Variants in ZNF155 observed in about 807,000 individuals in gnomAD.
ZNF155 encodes zinc finger protein 155.
ZNF155 carries 15 observed loss-of-function variants against 11.9 expected under a neutral mutation model. The observed-to-expected ratio is 1.26, with a 90% confidence interval of 0.84 to 1.94. ZNF155 has a LOEUF of 1.94. Ranked by LOEUF, ZNF155 falls within the 30% of genes most tolerant of loss-of-function variation. The pLI is 0.00. For missense variants in ZNF155, 602 were observed against 639.1 expected (o/e 0.94, Z 0.63); for synonymous variants, 212 against 219.9 (o/e 0.96, Z 0.32).
rs1192526712 is a variant in ZNF155, at chr19:43,997,870, A to G, written c.*396A>G. The G allele has an allele frequency of 6.1e-6, 1 of 163,228 alleles. No homozygotes were observed. Among genetic ancestry groups the G allele is most frequent in the Non-Finnish European group, 1.3e-5 (1 of 75,294 alleles). 10.1% of individuals were successfully genotyped at this position (163,228 alleles called of 1,614,324 possible). On this transcript the variant is annotated 3_prime_UTR_variant, in exon 5 of 5. Transcript: ENST00000270014. ...TAAGGGAACAAGACCAGACACAGAA[A>G]TGCCTTTGTCCTTTGTATAATCAGC...
chr19:43,996,935 T>TGC lies in ZNF155; in HGVS notation c.1078_1079insGC (p.Tyr360CysfsTer30). 1 of 1,609,876 alleles carries TGC rather than the reference T, an allele frequency of 6.2e-7. No homozygotes were observed. Among genetic ancestry groups the TGC allele is most frequent in the Non-Finnish European group, 8.5e-7 (1 of 1,177,438 alleles). On this transcript the variant is annotated frameshift_variant, in exon 5 of 5. Transcript: ENST00000270014. LOFTEE classifies it low-confidence loss of function (END_TRUNC). ...AGGCTTTATTGGTAGGCTAGATTTTTATAAGCATCAGGTGGTCCACACAGG... is the reference window on the plus strand; with the variant it reads ...AGGCTTTATTGGTAGGCTAGATTTTTGCATAAGCATCAGGTGGTCCACACAGG...
rs542430854 is a variant in ZNF155 at position 43,987,524 on chromosome 19, T to A, written c.-85-935T>A. ...GTTGGTGCGGATACTGCCAAAGTGATAAGGTTTCCTTCCTATTGTAACATA... is the reference window on the plus strand; with the variant it reads ...GTTGGTGCGGATACTGCCAAAGTGAAAAGGTTTCCTTCCTATTGTAACATA... On this transcript the variant is annotated intron_variant, in intron 1 of 4. Coordinates refer to ENST00000270014, the MANE Select transcript of ZNF155 (RefSeq NM_198089.3). Among the ~76,000 whole-genome samples, 39 of 152,362 alleles carry A rather than the reference T, an allele frequency of 2.6e-4. 1 individual carries two copies. The highest frequency in any genetic ancestry group is 6.5e-5 in the Admixed American group (1 of 15,308).
At chr19:43,991,343 A>G (rs1975656475) in intron 2 of ZNF155, among the ~76,000 whole-genome samples, 1 of 152,198 alleles carries the variant, frequency 6.6e-6, no homozygotes, top group African/African-American at 2.4e-5. Flanking sequence ...ATGAGACTTC[A>G]TCATTGCACT....
At chr19:43,996,024 G>A (rs1453431799) in intron 4 of ZNF155, 69 bp from the exon 5 acceptor site, 1 of 1,495,930 alleles carries the variant, frequency 6.7e-7, no homozygotes, top group Non-Finnish European at 9.0e-7. Flanking sequence ...CATGTCCTAA[G>A]TGTGAAACCT....
chr19:43,992,083 C>T (rs990804774), intron 4 of ZNF155, 149 bp downstream of exon 4: 21 of 693,604 alleles, frequency 3.0e-5, no homozygotes, highest in Non-Finnish European at 4.7e-5. Flanking sequence ...CCTGTTCCCA[C>T]CCTAATATCT....
chr19:43,990,068 A>G (rs542601375), intron 2 of ZNF155: 2 of 1,520,594 alleles, frequency 1.3e-6, no homozygotes, highest in Non-Finnish European at 1.7e-6. Context: ...CTTGGTCATG[A>G]TAAAGAGAAG....
intron 1 of ZNF155, among the ~76,000 whole-genome samples, chr19:43,987,730 TC>T (rs1448344752): frequency 6.6e-6 from 1 of 152,222 alleles, no homozygotes; most frequent in Non-Finnish European, 1.5e-5. Flanking sequence ...CTGCCAGTTC[TC>T]CCCCATTTAT....
At chr19:43,985,252 G>T (rs1184784568) in intron 1 of ZNF155, among the ~76,000 whole-genome samples, 2 of 151,868 alleles carry the variant, frequency 1.3e-5, no homozygotes, top group African/African-American at 4.8e-5. Flanking sequence ...GTAGAGACGG[G>T]GTTTCACCAT....
intron 2 of ZNF155, 154 bp downstream of exon 2, chr19:43,988,712 C>A (rs557997341): frequency 2.8e-6 from 2 of 725,190 alleles, no homozygotes; most frequent in African/African-American, 1.8e-5. Flanking sequence ...GTGTTGACTG[C>A]ATTTGGTTTT....
intron 2 of ZNF155, 93 bp from the exon 3 acceptor site, chr19:43,991,455 A>G (rs1310203207): frequency 1.0e-5 from 16 of 1,592,664 alleles, no homozygotes; most frequent in Middle Eastern, 1.7e-4. Context: ...ACTGAGAACA[A>G]CTTTCCACTC....
chr19:43,995,966 A>T, intron 4 of ZNF155, 127 bp from the exon 5 acceptor site: 1 of 1,243,748 alleles, frequency 8.0e-7, no homozygotes, highest in Non-Finnish European at 1.1e-6. Context: ...ATCAGGGTGT[A>T]CTTGGAAAAC....
At position 43,996,350 on chromosome 19, in the gene ZNF155, C is replaced by T. The variant is rs1480849048; in HGVS notation, c.493C>T (p.Leu165Phe). 4.3e-6 allele frequency: 7 copies of T among 1,614,208 alleles called. No homozygotes were observed. The highest frequency in any genetic ancestry group is 5.1e-6 in the Non-Finnish European group (6 of 1,180,034). Residue 165 changes from leucine to phenylalanine, a missense_variant, in exon 5 of 5, where the codon CTT becomes TTT. Transcript: ENST00000270014. ...QSISDVPIFD[L>F]PQQLYSEEKS... ...CATCAGTGATGTTCCCATCTTTGATCTTCCTCAGCAGTTATACTCAGAAGA... is the reference window on the plus strand; with the variant it reads ...CATCAGTGATGTTCCCATCTTTGATTTTCCTCAGCAGTTATACTCAGAAGA...
At position 43,996,305 on chromosome 19, in the gene ZNF155, G is replaced by A. The variant is rs767193286; in HGVS notation, c.448G>A (p.Gly150Ser). ...TCATACAGGACAGAAACCTTCCCAG[G>A]GTGGGAAGTGTAAACAGTCCATCAG... ...TIHTGQKPSQ[G>S]GKCKQSISDV... The change falls in exon 5 of 5, where the codon GGT (glycine) becomes AGT (serine). Residue 150 changes from glycine to serine, a missense_variant. Physicochemically the swap from Gly to Ser is moderately conservative, Grantham distance 56. Transcript: ENST00000270014. 5.0e-6 allele frequency: 8 copies of A among 1,614,022 alleles called. No homozygotes were observed. The African/African-American group carries it at 9.3e-5, about 19-fold the overall frequency.
In ZNF155 at chr19:43,998,068, A is replaced by G. The variant is rs1361652270; in HGVS notation, c.*594A>G. ...AATAGCCCTTAGGAATAATCACTTC[A>G]ACTCCTGATTGGTCCCGGGCCAAGC... On this transcript the variant is annotated 3_prime_UTR_variant, in exon 5 of 5. Transcript: ENST00000270014. 3.0e-4 allele frequency: 34 copies of G among 113,304 alleles called. 1 individual carries two copies. Among genetic ancestry groups the G allele is most frequent in the Admixed American group, 5.0e-4 (5 of 10,024 alleles). The allele number at this position is 113,304 out of a possible 1,614,324, so 7.0% of individuals were successfully genotyped here. A position where few individuals can be genotyped will look rare whatever the true frequency, so the allele number is the denominator to read the frequency against.
chr19:43,997,309 C>A lies in ZNF155; in HGVS notation c.1452C>A (p.Phe484Leu). Residue 484 changes from phenylalanine (F) to leucine (L), a missense_variant, in exon 5 of 5, where the codon TTC becomes TTA. By Grantham distance (22) the Phe-to-Leu change is conservative (BLOSUM62 0). Coordinates refer to ENST00000270014, the MANE Select transcript of ZNF155 (RefSeq NM_198089.3). ...GACTCCACTGCCAGAAAAAACCATT[C>A]AAATGTGAGGACTGTGGAAAGAGGC... The part of the protein sequence containing the change: ...HKRLHCQKKP[F>L]KCEDCGKRLV... The A allele has an allele frequency of 6.2e-7, 1 of 1,614,084 alleles. No individual in the cohort carries two copies. Among genetic ancestry groups the A allele is most frequent in the Non-Finnish European group, 8.5e-7 (1 of 1,180,002 alleles).
Position 43,988,473 on chromosome 19 carries a change from C to A in ZNF155, c.-71C>A. The A allele has an allele frequency of 1.3e-6, 2 of 1,521,480 alleles. No homozygotes were observed. Among genetic ancestry groups the A allele is most frequent in the African/African-American group, 2.7e-5 (2 of 72,794 alleles). 94.2% of individuals were successfully genotyped at this position (1,521,480 alleles called of 1,614,324 possible). ...TTTTTCTGCAGACTGTGGCACGTTT[C>A]AGGCAGGATTCCTCCTTCATTCAAA... On this transcript the variant is annotated 5_prime_UTR_variant, in exon 2 of 5. Transcript: ENST00000270014.
intron 1 of ZNF155, among the ~76,000 whole-genome samples, chr19:43,986,289 A>G (rs1489461220): frequency 1.3e-5 from 2 of 152,028 alleles, no homozygotes; most frequent in East Asian, 1.9e-4. Flanking sequence ...CTCTGTGTCT[A>G]TTGTATATTT....
At chr19:43,991,804 T>C (rs774972580) in intron 3 of ZNF155, 38 bp from the exon 4 acceptor site, 8 of 1,608,060 alleles carry the variant, frequency 5.0e-6, no homozygotes, top group Non-Finnish European at 6.8e-6. Flanking sequence ...TTACCCAGAA[T>C]GTGTTGGGAT....
chr19:43,985,422 A>T (rs1043790423), intron 1 of ZNF155, among the ~76,000 whole-genome samples: 13 of 152,052 alleles, frequency 8.5e-5, no homozygotes, highest in Non-Finnish European at 1.5e-5. Context: ...GTCCTTGGGC[A>T]TGGGTGTTGA....
Sources: allele counts gnomAD v4.1 joint callset (sites outside exome capture counted in the v4.1 genomes callset), GRCh38; gene constraint gnomAD v4.1.1; transcripts MANE v1.5; gene names NCBI Gene and HGNC (gene_info 2026-07-23, HGNC 2026-07-21).